SOX6: variants seen among roughly 807,000 people sequenced by gnomAD.
The protein encoded by SOX6 is SRY-box transcription factor 6.
Under a neutral mutation model 97.8 loss-of-function variants are expected in SOX6, and 11 were observed. That is an observed-to-expected ratio of 0.11 (90% CI 0.07 to 0.19). SOX6 has a LOEUF of 0.19. SOX6 is among the 10% of genes least tolerant of loss of function. The pLI is 1.00. For synonymous variants in SOX6, 360 were observed against 371.4 expected (o/e 0.97, Z 0.35); for missense variants, 810 against 1,039.5 (o/e 0.78, Z 3.04).
chr11:16,521,371 G>C lies in SOX6; in HGVS notation n.610-44983C>G, dbSNP rs541421309. Among the ~76,000 whole-genome samples, 9 of 152,236 alleles carry C rather than the reference G, an allele frequency of 5.9e-5. No homozygotes were observed. In the East Asian group the frequency reaches 1.7e-3, roughly 29 times the overall value. The stretch of plus-strand genomic sequence containing the variant: ...CCACTGCTGATACCCAGGCAAACAG[G>C]GTCAGGAGTGGACCTCTAGCAAACT... On this transcript the variant is annotated intron_variant and non_coding_transcript_variant, in intron 4 of 5. Transcript: ENST00000524520.
At chr11:16,390,419 C>T (rs985969332) in intron 1 of SOX6, among the ~76,000 whole-genome samples, 1 of 152,146 alleles carries the variant, frequency 6.6e-6, no homozygotes, top group Non-Finnish European at 1.5e-5. Context: ...TGTGTTTTGT[C>T]CAGAGTCCAT....
intron 2 of SOX6, among the ~76,000 whole-genome samples, chr11:16,329,435 A>C (rs1590130130): frequency 6.6e-6 from 1 of 152,190 alleles, no homozygotes; most frequent in Non-Finnish European, 1.5e-5. Context: ...TTAAAACTCC[A>C]ATTGTTCAAT....
At chr11:16,163,004 T>G in intron 6 of SOX6, among the ~76,000 whole-genome samples, 1 of 147,082 alleles carries the variant, frequency 6.8e-6, no homozygotes, top group African/African-American at 2.5e-5. Flanking sequence ...GTAGGGTGAA[T>G]AAAGATGAGA....
Position 16,509,160 on chromosome 11 carries a change from T to C in SOX6, n.610-32772A>G, listed in dbSNP as rs755527842. ...TTTAGAAATGTTTACCATATATGTG[T>C]ATTTATTTAATTGCATTTATTTAAT... On this transcript the variant is annotated intron_variant and non_coding_transcript_variant, in intron 4 of 5. Transcript: ENST00000524520. Among the ~76,000 whole-genome samples the C allele has an allele frequency of 5.5e-4, 84 of 152,060 alleles. 1 individual carries two copies. Among genetic ancestry groups the C allele is most frequent in the Non-Finnish European group, 1.0e-3 (71 of 67,918 alleles).
At chr11:16,369,213 A>C (rs1024003990) in intron 1 of SOX6, among the ~76,000 whole-genome samples, 1 of 152,188 alleles carries the variant, frequency 6.6e-6, no homozygotes, top group Non-Finnish European at 1.5e-5. Context: ...TATTACTAAA[A>C]AAAATGAAAA....
chr11:16,681,582 T>C (rs2134030036), intron 3 of SOX6, among the ~76,000 whole-genome samples: 1 of 152,062 alleles, frequency 6.6e-6, no homozygotes, highest in South Asian at 2.1e-4. Context: ...ATTCAAAAGC[T>C]AGCAGAAGGC....
chr11:16,251,157 T>C lies in SOX6; in HGVS notation c.446-16486A>G, dbSNP rs115115109. 5.6e-3 allele frequency among the ~76,000 whole-genome samples: 853 copies of C among 152,160 alleles called. 8 individuals carry two copies. Among genetic ancestry groups the C allele is most frequent in the African/African-American group, 0.02 (814 of 41,540 alleles). The stretch of plus-strand genomic sequence containing the variant: ...GTCTGCTAATGCAGTTATTAGAACT[T>C]TAAATTAGTATATTACAAAAGCAGA... On this transcript the variant is annotated intron_variant, in intron 3 of 15. Transcript: ENST00000683767.
chr11:15,985,396 C>G (rs1853801376), intron 15 of SOX6, among the ~76,000 whole-genome samples: 1 of 152,208 alleles, frequency 6.6e-6, no homozygotes, highest in East Asian at 1.9e-4. Flanking sequence ...CAAGTGTTTC[C>G]CTACTCTGAG....
chr11:15,988,961 G>C, intron 14 of SOX6, 36 bp downstream of exon 14: 1 of 1,581,060 alleles, frequency 6.3e-7, no homozygotes, highest in Non-Finnish European at 8.7e-7. Flanking sequence ...GATTTGCAGG[G>C]GAGAAGATCA....
At chr11:16,442,343 A>G (rs1019131225) in intron 1 of SOX6, among the ~76,000 whole-genome samples, 1 of 152,168 alleles carries the variant, frequency 6.6e-6, no homozygotes, top group African/African-American at 2.4e-5. Flanking sequence ...TTAAATAACA[A>G]ATATTGTAAA....
At chr11:16,016,311 G>A (rs2133864572) in intron 12 of SOX6, among the ~76,000 whole-genome samples, 1 of 152,036 alleles carries the variant, frequency 6.6e-6, no homozygotes, top group Non-Finnish European at 1.5e-5. Flanking sequence ...CTTCGTCATG[G>A]AATATGTTGA....
At chr11:16,372,206 T>C (rs1857509803) in intron 1 of SOX6, among the ~76,000 whole-genome samples, 1 of 152,022 alleles carries the variant, frequency 6.6e-6, no homozygotes, top group East Asian at 1.9e-4. Flanking sequence ...GTATAGACTG[T>C]GAAAGCCAGG....
intron 3 of SOX6, among the ~76,000 whole-genome samples, chr11:16,687,442 A>C (rs1329525929): frequency 6.6e-6 from 1 of 152,050 alleles, no homozygotes; most frequent in Admixed American, 6.5e-5. Flanking sequence ...CACCTCCTTA[A>C]CTAATTTTTG....
At chr11:16,569,990 G>T (rs1434078049) in intron 4 of SOX6, among the ~76,000 whole-genome samples, 1 of 151,776 alleles carries the variant, frequency 6.6e-6, no homozygotes, top group Non-Finnish European at 1.5e-5. Flanking sequence ...AAAGAAAAGT[G>T]CCCAGATGAT....
intron 9 of SOX6, among the ~76,000 whole-genome samples, chr11:16,075,424 A>G (rs1186004769): frequency 6.6e-6 from 1 of 152,178 alleles, no homozygotes; most frequent in Non-Finnish European, 1.5e-5. Context: ...CATCAATAAT[A>G]AACTGGATAA....
intron 4 of SOX6, among the ~76,000 whole-genome samples, chr11:16,598,832 T>A (rs1485098996): frequency 2.6e-5 from 4 of 152,062 alleles, no homozygotes; most frequent in Non-Finnish European, 4.4e-5. Flanking sequence ...TACATGTGAA[T>A]GGATATATCA....
intron 3 of SOX6, among the ~76,000 whole-genome samples, chr11:16,696,807 A>C (rs1329805418): frequency 6.6e-6 from 1 of 152,190 alleles, no homozygotes; most frequent in African/African-American, 2.4e-5. Flanking sequence ...TTCTTAAAAT[A>C]AGACAACAAT....
At chr11:16,013,741 G>A (rs1854802057) in intron 13 of SOX6, among the ~76,000 whole-genome samples, 1 of 150,434 alleles carries the variant, frequency 6.6e-6, no homozygotes, top group South Asian at 2.1e-4. Flanking sequence ...TTTCCTACTA[G>A]TATGAAAAAT....
chr11:16,138,256 A>T (rs1850026550), intron 6 of SOX6, among the ~76,000 whole-genome samples: 1 of 152,228 alleles, frequency 6.6e-6, no homozygotes, highest in African/African-American at 2.4e-5. Context: ...TCTATACAAC[A>T]ACACTATTCA....
Sources: allele counts gnomAD v4.1 joint callset (sites outside exome capture counted in the v4.1 genomes callset), GRCh38; gene constraint gnomAD v4.1.1; transcripts MANE v1.5; gene names NCBI Gene and HGNC (gene_info 2026-07-23, HGNC 2026-07-21).